Variants in FZD3 observed in about 807,000 individuals in gnomAD.
The protein encoded by FZD3 is frizzled class receptor 3.
In FZD3, 30 loss-of-function variants were observed where a neutral mutation model predicts 60.7. The observed-to-expected ratio is 0.49, with a 90% CI of 0.37 to 0.67. The LOEUF is 0.67. Among genes scored for constraint, FZD3 ranks in the 30% least tolerant of loss-of-function variants. FZD3 has a pLI of 0.00. For missense variants in FZD3, 605 were observed against 838.7 expected (o/e 0.72, Z 3.44); for synonymous variants, 246 against 275.2 (o/e 0.89, Z 1.05).
At chr8:28,536,037 C>T (rs1805002554) in intron 5 of FZD3, among the ~76,000 whole-genome samples, 1 of 152,190 alleles carries the variant, frequency 6.6e-6, no homozygotes, top group Admixed American at 6.5e-5. Flanking sequence ...ATATCTACCT[C>T]ATGGGTGGCA....
intron 5 of FZD3, among the ~76,000 whole-genome samples, chr8:28,541,002 G>A (rs1347953153): frequency 1.3e-5 from 2 of 152,064 alleles, no homozygotes; most frequent in Non-Finnish European, 2.9e-5. Flanking sequence ...ACTAAACACT[G>A]TATCCCATTT....
intron 1 of FZD3, among the ~76,000 whole-genome samples, chr8:28,496,284 C>CT (rs959682863): frequency 1.3e-5 from 2 of 152,120 alleles, no homozygotes; most frequent in Admixed American, 6.5e-5. Flanking sequence ...TAGTGAAACT[C>CT]TAAGATTTTA....
intron 3 of FZD3, among the ~76,000 whole-genome samples, chr8:28,504,845 G>A (rs77217607): frequency 0.018 from 2,697 of 152,298 alleles, 95 homozygotes; most frequent in African/African-American, 0.061. Flanking sequence ...TTCATTCATA[G>A]TGATAGCATG....
At chr8:28,494,487 T>G (rs1803781956) in intron 1 of FZD3, 144 bp downstream of exon 1, 1 of 151,874 alleles carries the variant, frequency 6.6e-6, no homozygotes, top group Non-Finnish European at 1.5e-5. Context: ...CGGCGCCTCC[T>G]CCTCAGGGAT....
chr8:28,559,323 G>A (rs1477161821), intron 7 of FZD3, among the ~76,000 whole-genome samples: 1 of 152,094 alleles, frequency 6.6e-6, no homozygotes, highest in African/African-American at 2.4e-5. Flanking sequence ...AATAATACAG[G>A]AAGAAGAACA....
At chr8:28,545,731 C>T (rs1481192173) in intron 5 of FZD3, among the ~76,000 whole-genome samples, 1 of 152,106 alleles carries the variant, frequency 6.6e-6, no homozygotes, top group Non-Finnish European at 1.5e-5. Context: ...TGCTTTAAGC[C>T]GTTAAGTTTT....
chr8:28,536,400 A>G (rs1805014211), intron 5 of FZD3, among the ~76,000 whole-genome samples: 1 of 152,242 alleles, frequency 6.6e-6, no homozygotes, highest in Non-Finnish European at 1.5e-5. Flanking sequence ...AGCCATTTGT[A>G]GAATTCTTTA....
chr8:28,513,695 A>G (rs1330187358), intron 3 of FZD3, among the ~76,000 whole-genome samples: 1 of 152,104 alleles, frequency 6.6e-6, no homozygotes, highest in Non-Finnish European at 1.5e-5. Flanking sequence ...ATTCTAAGGG[A>G]TCTGAAATAG....
chr8:28,516,915 A>T (rs1804443961), intron 3 of FZD3, among the ~76,000 whole-genome samples: 1 of 152,140 alleles, frequency 6.6e-6, no homozygotes, highest in African/African-American at 2.4e-5. Context: ...TACTTCAACC[A>T]TTCCCCCATT....
At position 28,495,460 on chromosome 8, in the gene FZD3, T is replaced by C. The variant is rs1053643962; in HGVS notation, c.-391+1117T>C. ...GATCGGGAATGCTTATTGATGGGAA[T>C]TGAGTTACTTTGTAAAGCCAATATG... On this transcript the variant is annotated intron_variant, in intron 1 of 7. Transcript: ENST00000240093. Among the ~76,000 whole-genome samples the C allele has an allele frequency of 7.2e-5, 11 of 152,170 alleles. No homozygotes were observed. The East Asian group carries it at 1.2e-3, about 16-fold the overall frequency.
chr8:28,530,089 C>CTCTGTGTG (rs1163002781), intron 5 of FZD3, among the ~76,000 whole-genome samples: 1 of 138,482 alleles, frequency 7.2e-6, no homozygotes, highest in Non-Finnish European at 1.6e-5. Context: ...TGAAATATAT[C>CTCTGTGTG]TGTGTGTGTG....
rs115125323 is a variant in FZD3 at position 28,549,640 on chromosome 8, A to G, written c.1405-1963A>G. 3.4e-3 allele frequency among the ~76,000 whole-genome samples: 521 copies of G among 152,284 alleles called. 3 individuals are homozygous for G. Among genetic ancestry groups the G allele is most frequent in the African/African-American group, 0.012 (502 of 41,566 alleles). On this transcript the variant is annotated intron_variant, in intron 5 of 7. Transcript: ENST00000240093. ...GCAGTAGATACTTTTCTTGTATTCC[A>G]TATTTTAATGAAAATATTTCTAGTG...
intron 5 of FZD3, among the ~76,000 whole-genome samples, chr8:28,531,079 T>C (rs1804862097): frequency 6.6e-6 from 1 of 152,172 alleles, no homozygotes; most frequent in South Asian, 2.1e-4. Context: ...CCTATGTATC[T>C]AATATTAAAG....
At chr8:28,531,182 T>A (rs1227209943) in intron 5 of FZD3, among the ~76,000 whole-genome samples, 4 of 147,452 alleles carry the variant, frequency 2.7e-5, no homozygotes, top group African/African-American at 9.9e-5. Context: ...ACGGTATTTT[T>A]CATTCTCCTG....
chr8:28,520,769 C>T lies in FZD3; in HGVS notation c.321C>T (p.Tyr107=). The change falls in exon 4 of 8, where the codon TAC becomes TAT. Residue 107 remains tyrosine, a synonymous_variant. Transcript: ENST00000240093. The part of the protein sequence containing the change: ...LPCRRLCQRA[Y]SECSKLMEMF... Reference sequence around the variant, plus strand: ...GTCGTAGGCTGTGTCAGCGGGCTTACAGTGAGTGTTCGAAGCTCATGGAGA... The same window carrying T: ...GTCGTAGGCTGTGTCAGCGGGCTTATAGTGAGTGTTCGAAGCTCATGGAGA... 1 of 1,611,650 alleles carries T rather than the reference C, an allele frequency of 6.2e-7. No individual in the cohort carries two copies. The highest frequency in any genetic ancestry group is 8.5e-7 in the Non-Finnish European group (1 of 1,178,648).
intron 1 of FZD3, among the ~76,000 whole-genome samples, chr8:28,497,154 CTG>C (rs984388667): frequency 2.0e-5 from 3 of 152,176 alleles, no homozygotes; most frequent in Non-Finnish European, 4.4e-5. Context: ...TACTTTTCCT[CTG>C]TGTGTGTGTT....
intron 5 of FZD3, among the ~76,000 whole-genome samples, chr8:28,545,870 CAA>C (rs1805281835): frequency 6.6e-6 from 1 of 152,186 alleles, no homozygotes; most frequent in African/African-American, 2.4e-5. Flanking sequence ...CACCACATAA[CAA>C]TGTTTCAGTC....
At position 28,563,686 on chromosome 8, in the gene FZD3, T is replaced by C. The variant is rs1352391286; in HGVS notation, c.*675T>C. Reference sequence around the variant, plus strand: ...GAGATGGGCATTGTTTCCCCTATAATTGTGCTGTTTTTATAACTTTTGTAA... The same window carrying C: ...GAGATGGGCATTGTTTCCCCTATAACTGTGCTGTTTTTATAACTTTTGTAA... On this transcript the variant is annotated 3_prime_UTR_variant, in exon 8 of 8. Coordinates refer to ENST00000240093, the MANE Select transcript of FZD3 (RefSeq NM_017412.4). 1 of 152,240 alleles carries C rather than the reference T, an allele frequency of 6.6e-6. No individual in the cohort carries two copies. Among genetic ancestry groups the C allele is most frequent in the African/African-American group, 2.4e-5 (1 of 41,458 alleles). The allele number at this position is 152,240 out of a possible 1,614,324, so 9.4% of individuals were successfully genotyped here. A position where few individuals can be genotyped will look rare whatever the true frequency, so the allele number is the denominator to read the frequency against.
Position 28,563,217 on chromosome 8 carries a change from C to A in FZD3, c.*206C>A. 1 of 537,958 alleles carries A rather than the reference C, an allele frequency of 1.9e-6. No individual in the cohort carries two copies. The highest frequency in any genetic ancestry group is 3.4e-6 in the Non-Finnish European group (1 of 298,026). The allele number at this position is 537,958 out of a possible 1,614,324, so 33.3% of individuals were successfully genotyped here. ...TCCAAAACACTAAGAATTCTATCAT[C>A]ACAAAAATAATTCGTCTTTCTAGGT... On this transcript the variant is annotated 3_prime_UTR_variant, in exon 8 of 8. Transcript: ENST00000240093.
Sources: gnomAD v4.1 joint callset for allele counts (sites outside exome capture counted in the v4.1 genomes callset) on GRCh38, gnomAD v4.1.1 for gene constraint, MANE v1.5 for transcripts, NCBI Gene and HGNC (gene_info 2026-07-23, HGNC 2026-07-21) for gene names.